The following EYA2 variants were observed in gnomAD, a reference collection of about 807,000 sequenced individuals.
EYA2 encodes protein phosphatase EYA2.
EYA2 carries 31 observed loss-of-function variants against 69.2 expected under a neutral mutation model. That is an observed-to-expected ratio of 0.45 (90% CI 0.34 to 0.60). EYA2 has a LOEUF of 0.60. Among genes scored for constraint, EYA2 ranks in the 20% least tolerant of loss-of-function variants. EYA2 has a pLI of 0.02. For synonymous variants in EYA2, 257 were observed against 279.4 expected (o/e 0.92, Z 0.80); for missense variants, 622 against 701.2 (o/e 0.89, Z 1.28).
At chr20:46,997,847 TTCA>T (rs1213008151) in intron 2 of EYA2, 1 of 152,328 alleles carries the variant, frequency 6.6e-6, no homozygotes, top group Non-Finnish European at 1.5e-5. Context: ...CATTGCTGCC[TTCA>T]TCACCCTAGA....
At chr20:46,908,982 T>C (rs1984511685) in intron 1 of EYA2, among the ~76,000 whole-genome samples, 1 of 146,720 alleles carries the variant, frequency 6.8e-6, no homozygotes, top group South Asian at 2.2e-4. Context: ...TTGAATCTCA[T>C]GGGGATGAGG....
intron 5 of EYA2, among the ~76,000 whole-genome samples, chr20:47,044,297 C>A (rs186271553): frequency 5.6e-4 from 83 of 147,550 alleles, no homozygotes; most frequent in Non-Finnish European, 1.0e-3. Flanking sequence ...GCCCATGAAC[C>A]CTTCTTAGAC....
intron 1 of EYA2, among the ~76,000 whole-genome samples, chr20:46,903,211 C>T (rs897205895): frequency 6.6e-5 from 10 of 152,210 alleles, no homozygotes; most frequent in African/African-American, 2.4e-4. Flanking sequence ...TATCCCATGG[C>T]CTCTTCTTTC....
chr20:46,924,669 C>CAA (rs10568771), intron 1 of EYA2, among the ~76,000 whole-genome samples: 4,728 of 87,382 alleles, frequency 0.054, 444 homozygotes, highest in East Asian at 0.24. Flanking sequence ...GACTCCATCT[C>CAA]AAAAAAAAAA....
At chr20:46,986,707 C>T (rs1981241227) in intron 1 of EYA2, among the ~76,000 whole-genome samples, 1 of 152,100 alleles carries the variant, frequency 6.6e-6, no homozygotes, top group South Asian at 2.1e-4. Context: ...CCAGCAGGCA[C>T]ATCCCACGGT....
chr20:47,076,204 T>C (rs1344018180), intron 7 of EYA2, among the ~76,000 whole-genome samples: 1 of 152,260 alleles, frequency 6.6e-6, no homozygotes, highest in Non-Finnish European at 1.5e-5. Context: ...TATATTCCTT[T>C]GGATATATAC....
At chr20:47,127,837 G>A (rs2033237659) in intron 9 of EYA2, among the ~76,000 whole-genome samples, 1 of 152,210 alleles carries the variant, frequency 6.6e-6, no homozygotes, top group Non-Finnish European at 1.5e-5. Context: ...GTTTCTATCT[G>A]GAAGGACTGA....
chr20:46,965,690 G>T (rs948868829), intron 1 of EYA2, among the ~76,000 whole-genome samples: 1 of 152,252 alleles, frequency 6.6e-6, no homozygotes, highest in African/African-American at 2.4e-5. Context: ...CCTCCTAGAC[G>T]CTCTGAGTCT....
At chr20:47,113,590 C>CGGGGCTGTCTGCTCTGAAAGGTGGGT (rs1568786387) in intron 9 of EYA2, among the ~76,000 whole-genome samples, 2 of 152,194 alleles carry the variant, frequency 1.3e-5, no homozygotes, top group African/African-American at 4.8e-5. Context: ...CATCCACACT[C>CGGGGCTGTCTGCTCTGAAAGGTGGGT]GGGGCTGTCT....
intron 1 of EYA2, among the ~76,000 whole-genome samples, chr20:46,904,654 A>G (rs1289135117): frequency 1.3e-5 from 2 of 152,232 alleles, no homozygotes; most frequent in Non-Finnish European, 2.9e-5. Context: ...ATTGGAAAAG[A>G]AAAACAAAAT....
At chr20:46,979,315 G>A (rs1472782947) in intron 1 of EYA2, among the ~76,000 whole-genome samples, 1 of 152,188 alleles carries the variant, frequency 6.6e-6, no homozygotes, top group Non-Finnish European at 1.5e-5. Flanking sequence ...CAGGGGTGGT[G>A]ACAAGGGTAA....
rs1363375420 is a variant in EYA2 at position 47,179,799 on chromosome 20, G to A, written c.1200G>A (p.Gly400=). The A allele has an allele frequency of 6.2e-7, 1 of 1,610,330 alleles. No homozygotes were observed. Among genetic ancestry groups the A allele is most frequent in the Non-Finnish European group, 8.5e-7 (1 of 1,176,882 alleles). Residue 400 remains glycine, a splice_region_variant and synonymous_variant, in exon 13 of 16, where the codon GGG becomes GGA. Coordinates refer to ENST00000327619, the MANE Select transcript of EYA2 (RefSeq NM_005244.5). ...MYNTYKNNVG[G]LIGTPKRETW... ...CATCTTTATTTCCTTTGTCCACAGG[G>A]TTGATAGGCACTCCCAAAAGGGAGA...
intron 1 of EYA2, among the ~76,000 whole-genome samples, chr20:46,989,253 T>A (rs1021759917): frequency 6.6e-6 from 1 of 152,060 alleles, no homozygotes; most frequent in Non-Finnish European, 1.5e-5. Flanking sequence ...CTTTTCTCCG[T>A]CCATGCAAGT....
intron 10 of EYA2, among the ~76,000 whole-genome samples, chr20:47,145,769 C>A (rs1194615719): frequency 1.3e-5 from 2 of 151,812 alleles, no homozygotes; most frequent in African/African-American, 4.8e-5. Flanking sequence ...GGTGTGGTGG[C>A]GGGTGCCTGT....
intron 7 of EYA2, 25 bp downstream of exon 7, chr20:47,074,360 A>G: frequency 1.2e-6 from 2 of 1,610,598 alleles, no homozygotes; most frequent in Non-Finnish European, 1.7e-6. Flanking sequence ...TGGTGGGGCC[A>G]TTCATGGCTG....
chr20:46,962,484 TA>T (rs201203597), intron 1 of EYA2, among the ~76,000 whole-genome samples: 27 of 152,140 alleles, frequency 1.8e-4, no homozygotes, highest in African/African-American at 6.5e-4. Flanking sequence ...GTTTTTTTTT[TA>T]AAGATTGGGC....
rs1217109876 is a variant in EYA2 at position 47,164,691 on chromosome 20, G to A, written c.979-4448G>A. 3.5e-4 allele frequency among the ~76,000 whole-genome samples: 54 copies of A among 152,150 alleles called. 1 individual carries two copies. The highest frequency in any genetic ancestry group is 3.5e-3 in the Admixed American group (53 of 15,272). ...TAGGGGGGTCAAGGATCCAGGTAACGTAAACTGAAGCAAGCCCCGTAGAGA... is the reference window on the plus strand; with the variant it reads ...TAGGGGGGTCAAGGATCCAGGTAACATAAACTGAAGCAAGCCCCGTAGAGA... On this transcript the variant is annotated intron_variant, in intron 10 of 15. Coordinates refer to ENST00000327619, the MANE Select transcript of EYA2 (RefSeq NM_005244.5).
intron 9 of EYA2, among the ~76,000 whole-genome samples, chr20:47,101,779 T>C (rs6124942): frequency 0.5 from 75,335 of 151,992 alleles, 21,492 homozygotes; most frequent in Non-Finnish European, 0.64. Context: ...GTAATAAGGA[T>C]GTAGAGGAGA....
intron 5 of EYA2, among the ~76,000 whole-genome samples, chr20:47,048,665 A>C (rs1386716375): frequency 2.0e-5 from 3 of 152,234 alleles, no homozygotes; most frequent in Non-Finnish European, 4.4e-5. Flanking sequence ...TGAACCTGGG[A>C]GGCAGAGGTT....
Sources: allele counts gnomAD v4.1 joint callset (sites outside exome capture counted in the v4.1 genomes callset), GRCh38; gene constraint gnomAD v4.1.1; transcripts MANE v1.5; gene names NCBI Gene and HGNC (gene_info 2026-07-23, HGNC 2026-07-21).